ZBTB40: variants seen among roughly 807,000 people sequenced by gnomAD.
ZBTB40 encodes zinc finger and BTB domain containing 40, also known as zinc finger and BTB domain-containing protein 40.
A neutral mutation model predicts 117.5 loss-of-function variants in ZBTB40; 60 were observed. The ratio of observed to expected loss-of-function variants is 0.51; its 90% CI spans 0.41 to 0.63. The LOEUF is 0.63. ZBTB40 is among the 30% of genes least tolerant of loss of function. The pLI is 0.00. For missense variants in ZBTB40, 1,287 were observed against 1,498.5 expected, an observed-to-expected ratio of 0.86 and a Z score of 2.33; for synonymous variants, 525 against 577.1, an observed-to-expected ratio of 0.91 and a Z score of 1.29.
Position 22,490,455 on chromosome 1 carries a change from C to A in ZBTB40, c.507C>A (p.Gly169=). 3.1e-6 allele frequency: 5 copies of A among 1,601,838 alleles called. No homozygotes were observed. The highest frequency in any genetic ancestry group is 3.4e-6 in the Non-Finnish European group (4 of 1,173,250). The stretch of plus-strand genomic sequence containing the variant: ...CAGAGCTTGCTGCCACTCCAGGGGG[C>A]CCTGTGAAAGCTGAGACTGAGGAAG... ...SSPELAATPG[G]PVKAETEEAA... Residue 169 remains glycine (G), a synonymous_variant, in exon 2 of 18, where the codon GGC becomes GGA. Transcript: ENST00000375647.
At chr1:22,497,396 T>C (rs893508972) in intron 3 of ZBTB40, among the ~76,000 whole-genome samples, 2 of 152,206 alleles carry the variant, frequency 1.3e-5, no homozygotes, top group Non-Finnish European at 2.9e-5. Flanking sequence ...AGGGCTCTGT[T>C]CACTGACAGG....
At chr1:22,511,629 A>G in intron 10 of ZBTB40, 47 bp from the exon 11 acceptor site, 1 of 1,593,914 alleles carries the variant, frequency 6.3e-7, no homozygotes, top group Non-Finnish European at 8.5e-7. Context: ...ATAAAGCAAA[A>G]TAGAAACAGA....
chr1:22,463,550 C>A (rs1209922545), intron 1 of ZBTB40, among the ~76,000 whole-genome samples: 1 of 152,190 alleles, frequency 6.6e-6, no homozygotes, highest in Non-Finnish European at 1.5e-5. Flanking sequence ...AGACTCCTGA[C>A]TGCAGGATGG....
chr1:22,522,276 A>G (rs1639547099), intron 15 of ZBTB40, 101 bp from the exon 16 acceptor site: 3 of 1,056,868 alleles, frequency 2.8e-6, no homozygotes, highest in African/African-American at 1.6e-5. Flanking sequence ...GATGCTTGCT[A>G]AGTATTGGCC....
intron 1 of ZBTB40, among the ~76,000 whole-genome samples, chr1:22,477,700 A>T (rs1208953458): frequency 6.6e-6 from 1 of 152,074 alleles, no homozygotes; most frequent in African/African-American, 2.4e-5. Context: ...AGATGGTAGA[A>T]ATAAGTCCAA....
chr1:22,456,616 C>T (rs888808861), intron 1 of ZBTB40, among the ~76,000 whole-genome samples: 5 of 152,194 alleles, frequency 3.3e-5, no homozygotes, highest in Non-Finnish European at 5.9e-5. Flanking sequence ...ACTGAAGGCG[C>T]GATGAGAATC....
At chr1:22,489,774 G>T (rs1638570650) in intron 1 of ZBTB40, 106 bp from the exon 2 acceptor site, 7 of 681,504 alleles carry the variant, frequency 1.0e-5, no homozygotes, top group Non-Finnish European at 1.8e-5. Flanking sequence ...AGCAATATTT[G>T]TTGGATGAAT....
intron 1 of ZBTB40, among the ~76,000 whole-genome samples, chr1:22,470,916 T>C (rs1373931512): frequency 6.6e-6 from 1 of 152,268 alleles, no homozygotes; most frequent in African/African-American, 2.4e-5. Flanking sequence ...CTGTCTTCTA[T>C]GATTCTGAAG....
At chr1:22,524,162 A>G in intron 16 of ZBTB40, 56 bp from the exon 17 acceptor site, 1 of 1,547,544 alleles carries the variant, frequency 6.5e-7, no homozygotes, top group Non-Finnish European at 8.9e-7. Context: ...CATTTCTCTC[A>G]TTTTACCCAG....
intron 13 of ZBTB40, among the ~76,000 whole-genome samples, chr1:22,517,917 C>T (rs1049231805): frequency 6.6e-6 from 1 of 152,262 alleles, no homozygotes; most frequent in Non-Finnish European, 1.5e-5. Context: ...CCAGCATTCT[C>T]TTCCGAATGC....
intron 8 of ZBTB40, 23 bp downstream of exon 8, chr1:22,508,754 G>C (rs1158994629): frequency 6.2e-6 from 10 of 1,610,840 alleles, no homozygotes; most frequent in Non-Finnish European, 8.5e-6. Flanking sequence ...CCCTCTGGGG[G>C]GGTTTTGCCC....
chr1:22,502,263 GCTTCT>G, intron 4 of ZBTB40, 31 bp from the exon 5 acceptor site: 1 of 1,603,364 alleles, frequency 6.2e-7, no homozygotes, highest in Non-Finnish European at 8.5e-7. Flanking sequence ...AAATTGACTA[GCTTCT>G]CTTGTGTGTC....
At chr1:22,498,835 G>GT (rs1168124092) in intron 3 of ZBTB40, among the ~76,000 whole-genome samples, 1 of 151,202 alleles carries the variant, frequency 6.6e-6, no homozygotes, top group Non-Finnish European at 1.5e-5. Flanking sequence ...GCTATATGCT[G>GT]TATCAATTGA....
intron 1 of ZBTB40, 44 bp from the exon 2 acceptor site, chr1:22,489,836 T>C (rs1416438910): frequency 2.1e-6 from 2 of 971,690 alleles, no homozygotes; most frequent in Non-Finnish European, 3.3e-6. Flanking sequence ...CCTTTCCCTA[T>C]GGTTTTTTGA....
intron 12 of ZBTB40, among the ~76,000 whole-genome samples, chr1:22,516,075 G>GAAGGAAAGA: frequency 6.6e-6 from 1 of 152,188 alleles, no homozygotes; most frequent in East Asian, 1.9e-4. Flanking sequence ...TGTGGGATGT[G>GAAGGAAAGA]AAGGAAAGAA....
chr1:22,474,778 A>G (rs1469515710), intron 1 of ZBTB40, among the ~76,000 whole-genome samples: 1 of 152,162 alleles, frequency 6.6e-6, no homozygotes, highest in Non-Finnish European at 1.5e-5. Context: ...TCATTTGGTC[A>G]TGCAACAAGA....
At chr1:22,432,452 G>A (rs1040103542) in intron 1 of ZBTB40, among the ~76,000 whole-genome samples, 1 of 152,130 alleles carries the variant, frequency 6.6e-6, no homozygotes, top group African/African-American at 2.4e-5. Context: ...CTAATGTGGC[G>A]ACCACTTGCC....
intron 3 of ZBTB40, among the ~76,000 whole-genome samples, chr1:22,492,863 G>A (rs1395036380): frequency 2.6e-5 from 4 of 152,128 alleles, no homozygotes; most frequent in East Asian, 1.9e-4. Flanking sequence ...TTGCACTTGC[G>A]TGTTCTCTTA....
intron 1 of ZBTB40, among the ~76,000 whole-genome samples, chr1:22,487,839 C>T (rs533322020): frequency 1.3e-5 from 2 of 152,202 alleles, no homozygotes; most frequent in Non-Finnish European, 2.9e-5. Flanking sequence ...CCTCCAAGCT[C>T]GTAAGCATGG....
Sources: gnomAD v4.1 joint callset for allele counts (sites outside exome capture counted in the v4.1 genomes callset) on GRCh38, gnomAD v4.1.1 for gene constraint, MANE v1.5 for transcripts, NCBI Gene and HGNC (gene_info 2026-07-23, HGNC 2026-07-21) for gene names.